ERG: variants seen among roughly 807,000 people sequenced by gnomAD.
ERG encodes the protein ETS transcription factor ERG.
ERG carries 9 observed loss-of-function variants against 55.3 expected under a neutral mutation model. That is an observed-to-expected ratio of 0.16 (90% confidence interval 0.10 to 0.28). The LOEUF (loss-of-function observed/expected upper bound fraction) is 0.28. Among genes scored for constraint, ERG ranks in the 10% least tolerant of loss-of-function variants. ERG has a pLI of 1.00. For missense variants in ERG, 434 were observed against 631.6 expected (o/e 0.69, Z 3.35); for synonymous variants, 223 against 237.3 (o/e 0.94, Z 0.55).
intron 4 of ERG, among the ~76,000 whole-genome samples, chr21:38,403,044 A>G (rs1227050168): frequency 6.6e-6 from 1 of 152,218 alleles, no homozygotes; most frequent in South Asian, 2.1e-4. Flanking sequence ...CACATGATAC[A>G]AAGTGAAAAC....
chr21:38,522,447 A>G (rs1010826855), intron 2 of ERG, among the ~76,000 whole-genome samples: 11 of 152,186 alleles, frequency 7.2e-5, no homozygotes, highest in African/African-American at 2.2e-4. Flanking sequence ...TAAATTAAAA[A>G]TCCATATATT....
At chr21:38,553,412 C>A (rs2146821244) in intron 2 of ERG, among the ~76,000 whole-genome samples, 1 of 152,228 alleles carries the variant, frequency 6.6e-6, no homozygotes, top group South Asian at 2.1e-4. Flanking sequence ...GCTGAAGTAT[C>A]ACACTACCTA....
intron 2 of ERG, among the ~76,000 whole-genome samples, chr21:38,525,349 C>T (rs1217898732): frequency 6.6e-6 from 1 of 152,080 alleles, no homozygotes; most frequent in African/African-American, 2.4e-5. Flanking sequence ...ATGTTAATGC[C>T]CATGCTCTTT....
At chr21:38,455,867 G>GA (rs1555901690) in intron 1 of ERG, among the ~76,000 whole-genome samples, 1 of 135,458 alleles carries the variant, frequency 7.4e-6, no homozygotes, top group Non-Finnish European at 1.7e-5. Context: ...AATTGGTACG[G>GA]TCCCCCCCCT....
At chr21:38,452,734 A>G (rs1190050507) in intron 1 of ERG, among the ~76,000 whole-genome samples, 2 of 152,092 alleles carry the variant, frequency 1.3e-5, no homozygotes, top group African/African-American at 4.8e-5. Flanking sequence ...TTAGCTGGGG[A>G]TCCATCCCCT....
intron 2 of ERG, among the ~76,000 whole-genome samples, chr21:38,441,039 C>G (rs1256515520): frequency 1.3e-5 from 2 of 152,160 alleles, no homozygotes; most frequent in Non-Finnish European, 2.9e-5. Flanking sequence ...TGAGCAGCCC[C>G]CTAGTGAACC....
Position 38,382,832 on chromosome 21 carries a change from T to A in ERG, c.*571A>T. ...TTCACAGTTTGAGAAAGCTGACAGC[T>A]GTCCATCAAACGGAATGTATTTGAT... is the stretch of plus-strand genomic sequence containing the variant. On this transcript the variant is annotated 3_prime_UTR_variant, in exon 10 of 10. Coordinates refer to ENST00000288319, the MANE Select transcript of ERG (RefSeq NM_182918.4). The A allele has an allele frequency of 5.6e-6, 6 of 1,066,274 alleles. No individual in the cohort carries two copies. The highest frequency in any genetic ancestry group is 6.8e-6 in the Non-Finnish European group (6 of 879,568). The allele number at this position is 1,066,274 out of a possible 1,614,324, so 66.1% of individuals were successfully genotyped here. A position where few individuals can be genotyped will look rare whatever the true frequency, so the allele number is the denominator to read the frequency against.
At chr21:38,579,426 G>A (rs2060014496) in intron 1 of ERG, among the ~76,000 whole-genome samples, 1 of 152,186 alleles carries the variant, frequency 6.6e-6, no homozygotes. Context: ...CAGATATGAA[G>A]CGGTCAGTCC....
At chr21:38,497,417 A>G (rs530407979) in intron 1 of ERG, among the ~76,000 whole-genome samples, 1 of 152,310 alleles carries the variant, frequency 6.6e-6, no homozygotes, top group South Asian at 2.1e-4. Flanking sequence ...TCCACTCAGC[A>G]TCTGCTTTTG....
chr21:38,496,148 G>A (rs1397891789), intron 1 of ERG, among the ~76,000 whole-genome samples: 10 of 152,136 alleles, frequency 6.6e-5, no homozygotes. Flanking sequence ...GACTGGATAC[G>A]AATATTTAGC....
chr21:38,477,094 C>T (rs931370281), intron 1 of ERG, among the ~76,000 whole-genome samples: 1 of 133,058 alleles, frequency 7.5e-6, no homozygotes, highest in Admixed American at 9.3e-5. Context: ...CTCACTGCAA[C>T]CTTGACCTCC....
At chr21:38,459,299 C>A (rs921874769) in intron 1 of ERG, among the ~76,000 whole-genome samples, 1 of 152,206 alleles carries the variant, frequency 6.6e-6, no homozygotes, top group Non-Finnish European at 1.5e-5. Flanking sequence ...TAATTATCAG[C>A]TCAAGAGGGA....
intron 1 of ERG, among the ~76,000 whole-genome samples, chr21:38,463,108 T>C (rs2836418): frequency 0.15 from 22,779 of 152,184 alleles, 1,856 homozygotes; most frequent in East Asian, 0.19. Context: ...CCCCAATTAA[T>C]GTTAAGGGCC....
intron 2 of ERG, among the ~76,000 whole-genome samples, chr21:38,542,636 T>C (rs1357542930): frequency 6.6e-6 from 1 of 152,180 alleles, no homozygotes; most frequent in African/African-American, 2.4e-5. Context: ...AGAAAATGAA[T>C]TGTTGGTCTA....
chr21:38,589,810 T>C (rs933226241), upstream of ERG, among the ~76,000 whole-genome samples: 7 of 152,166 alleles, frequency 4.6e-5, no homozygotes, highest in African/African-American at 1.7e-4. Flanking sequence ...AGGCATCTCA[T>C]GGCAGGGCAG....
intron 1 of ERG, among the ~76,000 whole-genome samples, chr21:38,592,783 C>A (rs143591198): frequency 6.6e-6 from 1 of 152,282 alleles, no homozygotes; most frequent in African/African-American, 2.4e-5. Context: ...TTTCAAGGGT[C>A]TCCATGAATC....
At chr21:38,605,652 G>T (rs1016353134) in intron 1 of ERG, among the ~76,000 whole-genome samples, 1 of 152,174 alleles carries the variant, frequency 6.6e-6, no homozygotes, top group African/African-American at 2.4e-5. Flanking sequence ...GGGTTCCAAG[G>T]CCCAAGCAGG....
chr21:38,526,128 C>G (rs1271776614), intron 2 of ERG, among the ~76,000 whole-genome samples: 2 of 152,044 alleles, frequency 1.3e-5, no homozygotes, highest in African/African-American at 2.4e-5. Flanking sequence ...GAGGGAAGCA[C>G]TGAGGACCAC....
Position 38,440,048 on chromosome 21 carries a change from G to A in ERG, c.236+5356C>T, listed in dbSNP as rs1227441484. Among the ~76,000 whole-genome samples the A allele has an allele frequency of 2.6e-5, 4 of 152,232 alleles. No individual in the cohort carries two copies. The East Asian group carries it at 7.7e-4, about 29-fold the overall frequency. ...CGTGGAGGTGTCTGCAAGATAGTCA[G>A]GGGCCACAAAGGTAACAGCCCACAA... On this transcript the variant is annotated intron_variant, in intron 2 of 9. Transcript: ENST00000288319.
Sources: gnomAD v4.1 joint callset for allele counts (sites outside exome capture counted in the v4.1 genomes callset) on GRCh38, gnomAD v4.1.1 for gene constraint, MANE v1.5 for transcripts, NCBI Gene and HGNC (gene_info 2026-07-23, HGNC 2026-07-21) for gene names.